Variants in MAST4 observed in about 807,000 individuals in gnomAD.
MAST4 encodes the protein microtubule associated serine/threonine kinase family member 4, also known as microtubule-associated serine/threonine-protein kinase 4.
A neutral mutation model predicts 162.7 loss-of-function variants in MAST4; 89 were observed. The observed-to-expected ratio is 0.55, with a 90% CI of 0.46 to 0.65. The LOEUF is 0.65. Among genes scored for constraint, MAST4 ranks in the 30% least tolerant of loss-of-function variants. The pLI, the probability that MAST4 is intolerant of heterozygous loss-of-function variation, is 0.00. For missense variants in MAST4, 3,153 were observed against 3,374.0 expected, an observed-to-expected ratio of 0.93 and a Z score of 1.62; for synonymous variants, 1,479 against 1,361.1, an observed-to-expected ratio of 1.09 and a Z score of -1.91.
intron 4 of MAST4, among the ~76,000 whole-genome samples, chr5:66,991,029 A>G (rs1750016195): frequency 1.3e-5 from 2 of 152,212 alleles, no homozygotes; most frequent in South Asian, 2.1e-4. Context: ...TACCACACTC[A>G]AAGAAGAAAT....
In MAST4 at chr5:67,166,276, A is replaced by G. The variant is rs1163072992; in HGVS notation, c.7097A>G (p.Asp2366Gly). 1.0e-5 allele frequency: 16 copies of G among 1,556,918 alleles called. No homozygotes were observed. In the East Asian group the frequency reaches 3.6e-4, roughly 35 times the overall value. The change falls in exon 29 of 29, where the codon GAC becomes GGC. Residue 2366 changes from aspartate to glycine, a missense_variant. Transcript: ENST00000403625. ...CCGAGTCAGCCGGCCGCCAACACCG[A>G]CAGAAGGGCGGAAGGGAAGAAATGC... ...KSPSQPAANT[D>G]RRAEGKKCTE... is the part of the protein sequence containing the mutation.
At chr5:66,687,494 GTATA>G (rs1418001242) in intron 1 of MAST4, among the ~76,000 whole-genome samples, 5 of 149,192 alleles carry the variant, frequency 3.4e-5, no homozygotes, top group African/African-American at 1.3e-4. Flanking sequence ...ATACATATAT[GTATA>G]TGTATGTATA....
chr5:66,823,033 C>A (rs1393244918), intron 3 of MAST4, among the ~76,000 whole-genome samples: 5 of 152,068 alleles, frequency 3.3e-5, no homozygotes, highest in Admixed American at 3.3e-4. Context: ...GGGGCAGTTT[C>A]CCCCATGCTG....
intron 1 of MAST4, among the ~76,000 whole-genome samples, chr5:66,644,323 T>C (rs541992330): frequency 1.3e-5 from 2 of 152,330 alleles, no homozygotes; most frequent in South Asian, 4.1e-4. Flanking sequence ...ATTGGCTTTA[T>C]GGCCAGTTTG....
At chr5:66,980,205 G>A (rs567886157) in intron 4 of MAST4, among the ~76,000 whole-genome samples, 173 of 152,272 alleles carry the variant, frequency 1.1e-3, no homozygotes, top group African/African-American at 3.9e-3. Context: ...GTCCCCCAGG[G>A]GTCAAGGATG....
chr5:66,634,950 C>T (rs940231818), intron 1 of MAST4, among the ~76,000 whole-genome samples: 1 of 152,228 alleles, frequency 6.6e-6, no homozygotes, highest in Non-Finnish European at 1.5e-5. Context: ...CCAGATGTGG[C>T]CAGATGTGCA....
intron 3 of MAST4, among the ~76,000 whole-genome samples, chr5:66,849,788 A>C (rs1312407693): frequency 6.6e-6 from 1 of 152,172 alleles, no homozygotes; most frequent in Non-Finnish European, 1.5e-5. Flanking sequence ...GTTGATTTTA[A>C]TTCTCTTTGT....
chr5:66,596,939 TGCC>T lies in MAST4; in HGVS notation c.293_295del (p.Pro98del), dbSNP rs200514960. On this transcript the variant is annotated inframe_deletion, in exon 1 of 29. Coordinates refer to ENST00000403625, the MANE Select transcript of MAST4 (RefSeq NM_001164664.2). ...CTGCTGGAGCGCGGAGTCCTTGCGC[TGCC>T]GCCGCCGCTTCCCGGAGGAGCTGTG... 7 of 1,380,628 alleles carry T rather than the reference TGCC, an allele frequency of 5.1e-6. No individual in the cohort carries two copies. Among genetic ancestry groups the T allele is most frequent in the East Asian group, 6.1e-5 (2 of 32,610 alleles). The allele number at this position is 1,380,628 out of a possible 1,614,324, so 85.5% of individuals were successfully genotyped here. A position where few individuals can be genotyped will look rare whatever the true frequency, so the allele number is the denominator to read the frequency against.
intron 5 of MAST4, among the ~76,000 whole-genome samples, chr5:67,085,985 T>G (rs1763191020): frequency 6.6e-6 from 1 of 152,196 alleles, no homozygotes; most frequent in South Asian, 2.1e-4. Context: ...ATCCTAGGTT[T>G]GATTCTGTGA....
Position 66,789,988 on chromosome 5 carries a change from A to ATTTTTTTTTTTTT in MAST4, c.642+1212_642+1224dup, listed in dbSNP as rs57743987. 5.7e-4 allele frequency among the ~76,000 whole-genome samples: 30 copies of ATTTTTTTTTTTTT among 52,470 alleles called. 1 individual carries two copies. The highest frequency in any genetic ancestry group is 2.1e-3 in the African/African-American group (18 of 8,746). 34.4% of individuals were successfully genotyped at this position (52,470 alleles called of 152,430 possible). A position where few individuals can be genotyped will look rare whatever the true frequency, so the allele number is the denominator to read the frequency against. The stretch of plus-strand genomic sequence containing the variant: ...CTTTATGTTTAACATGCTTATTAGA[A>ATTTTTTTTTTTTT]TTTTTTTTTTTTTTTTTTTTTTTTT... On this transcript the variant is annotated intron_variant, in intron 3 of 28. Coordinates refer to ENST00000403625, the MANE Select transcript of MAST4 (RefSeq NM_001164664.2).
intron 14 of MAST4, among the ~76,000 whole-genome samples, chr5:67,128,537 C>T (rs755214792): frequency 4.0e-5 from 6 of 150,970 alleles, no homozygotes; most frequent in Admixed American, 6.6e-5. Context: ...TGTGATTTGC[C>T]GAATAAAGGA....
At chr5:66,966,913 A>G (rs1037834192) in intron 4 of MAST4, among the ~76,000 whole-genome samples, 1 of 152,222 alleles carries the variant, frequency 6.6e-6, no homozygotes, top group Admixed American at 6.5e-5. Context: ...AAATGTTGTA[A>G]TGATGAGTCT....
At chr5:66,951,596 ATATGTGTGTGTGTG>A (rs1186102279) in intron 4 of MAST4, among the ~76,000 whole-genome samples, 5 of 114,892 alleles carry the variant, frequency 4.4e-5, no homozygotes, top group East Asian at 2.6e-4. Context: ...GCCTCCCATG[ATATGTGTGTGTGTG>A]TGTGTGTGTG....
At chr5:66,933,809 T>A (rs1202543624) in intron 4 of MAST4, among the ~76,000 whole-genome samples, 1 of 152,220 alleles carries the variant, frequency 6.6e-6, no homozygotes, top group African/African-American at 2.4e-5. Context: ...AAAAAATCCA[T>A]ACCCACAATG....
intron 4 of MAST4, among the ~76,000 whole-genome samples, chr5:66,997,318 G>A (rs945198194): frequency 6.6e-6 from 1 of 151,842 alleles, no homozygotes; most frequent in African/African-American, 2.4e-5. Context: ...CAGAAAGTTA[G>A]TAGAGAGTAC....
chr5:66,809,800 A>G (rs559338303), intron 3 of MAST4, among the ~76,000 whole-genome samples: 1 of 152,226 alleles, frequency 6.6e-6, no homozygotes, highest in East Asian at 1.9e-4. Context: ...CAGTGGTGCA[A>G]TATCGACTCA....
In MAST4 at chr5:67,167,882, G is replaced by C. The variant is rs1471528566; in HGVS notation, c.*831G>C. 2 of 152,230 alleles carry C rather than the reference G, an allele frequency of 1.3e-5. No homozygotes were observed. The highest frequency in any genetic ancestry group is 1.9e-4 in the East Asian group (1 of 5,200). 9.4% of individuals were successfully genotyped at this position (152,230 alleles called of 1,614,324 possible). On this transcript the variant is annotated 3_prime_UTR_variant, in exon 29 of 29. Coordinates refer to ENST00000403625, the MANE Select transcript of MAST4 (RefSeq NM_001164664.2). ...GGATGTGGATGTCTGGCCTTCACCT[G>C]AGGTAGAGCGGGGACTATAAACACA...
At chr5:66,629,980 G>A (rs978100956) in intron 1 of MAST4, among the ~76,000 whole-genome samples, 1 of 152,076 alleles carries the variant, frequency 6.6e-6, no homozygotes, top group Non-Finnish European at 1.5e-5. Flanking sequence ...TGGGGTAAAA[G>A]GTTTAATACC....
chr5:67,011,387 G>C (rs1370958088), intron 4 of MAST4, among the ~76,000 whole-genome samples: 1 of 152,174 alleles, frequency 6.6e-6, no homozygotes, highest in Non-Finnish European at 1.5e-5. Context: ...TTTCGTAGTT[G>C]CTTCCTTTCA....
Sources: allele counts gnomAD v4.1 joint callset (sites outside exome capture counted in the v4.1 genomes callset), GRCh38; gene constraint gnomAD v4.1.1; transcripts MANE v1.5; gene names NCBI Gene and HGNC (gene_info 2026-07-23, HGNC 2026-07-21).